SETD3: variants seen among roughly 807,000 people sequenced by gnomAD.
SETD3 encodes the protein SET domain containing 3, actin N3(tau)-histidine methyltransferase.
In SETD3, 19 loss-of-function variants were observed where a neutral mutation model predicts 63.0. The observed-to-expected ratio is 0.30, with a 90% CI of 0.21 to 0.44. SETD3 has a LOEUF of 0.44. Ranked by LOEUF, SETD3 falls within the 20% of genes least tolerant of loss-of-function variation. SETD3 has a pLI of 1.00. For synonymous variants in SETD3, 286 were observed against 264.1 expected (o/e 1.08, Z -0.80); for missense variants, 587 against 728.5 (o/e 0.81, Z 2.24).
chr14:99,463,342 T>C (rs192797837), intron 3 of SETD3, 144 bp downstream of exon 3: 98 of 588,364 alleles, frequency 1.7e-4, no homozygotes, highest in African/African-American at 1.6e-3. Context: ...CTAACTGCTC[T>C]CTCTCCCGGT....
chr14:99,408,863 G>T (rs1331520583), intron 8 of SETD3, among the ~76,000 whole-genome samples: 1 of 152,088 alleles, frequency 6.6e-6, no homozygotes, highest in African/African-American at 2.4e-5. Flanking sequence ...TCCCTTGCCT[G>T]AAGCCAGGTT....
chr14:99,429,590 A>G (rs371421507), intron 6 of SETD3, among the ~76,000 whole-genome samples: 68 of 152,296 alleles, frequency 4.5e-4, no homozygotes, highest in African/African-American at 1.1e-3. Flanking sequence ...TTGTTTCCAT[A>G]TATGTTCAGC....
intron 6 of SETD3, among the ~76,000 whole-genome samples, chr14:99,423,588 CAAAAAAAA>C (rs536996347): frequency 0.083 from 3,041 of 36,854 alleles, 149 homozygotes; most frequent in African/African-American, 0.26. Context: ...CACTGTTATG[CAAAAAAAA>C]AAAAAAAAAA....
rs1357782233 is a variant in SETD3, at chr14:99,443,846, C to T, written c.675+14433G>A. On this transcript the variant is annotated intron_variant, in intron 6 of 12. Coordinates refer to ENST00000331768, the MANE Select transcript of SETD3 (RefSeq NM_032233.3). ...AGGAATGGCTTTCTAACTATATAGT[C>T]TTCTCGCTCTGGAAAGGGCTGCCTT... Among the ~76,000 whole-genome samples the T allele has an allele frequency of 4.6e-5, 7 of 152,284 alleles. No individual in the cohort carries two copies. In the South Asian group the frequency reaches 1.0e-3, roughly 23 times the overall value.
intron 8 of SETD3, among the ~76,000 whole-genome samples, chr14:99,411,041 T>C (rs114889216): frequency 3.3e-5 from 5 of 152,350 alleles, no homozygotes; most frequent in African/African-American, 1.2e-4. Context: ...ATAAACAACT[T>C]TGTAGTGTTA....
intron 6 of SETD3, among the ~76,000 whole-genome samples, chr14:99,431,891 C>T (rs1302561942): frequency 6.6e-6 from 1 of 152,172 alleles, no homozygotes; most frequent in East Asian, 1.9e-4. Context: ...GACCACTCTA[C>T]CACCACAAAT....
chr14:99,416,182 G>A (rs1248907255), intron 6 of SETD3, among the ~76,000 whole-genome samples: 1 of 151,974 alleles, frequency 6.6e-6, no homozygotes, highest in African/African-American at 2.4e-5. Flanking sequence ...ACAAGGATAA[G>A]ACAAATGTCT....
At chr14:99,418,579 T>C (rs1892402885) in intron 6 of SETD3, among the ~76,000 whole-genome samples, 2 of 152,184 alleles carry the variant, frequency 1.3e-5, no homozygotes. Context: ...CAGGACAGCC[T>C]GTGGCATCCT....
intron 6 of SETD3, among the ~76,000 whole-genome samples, chr14:99,428,245 T>C (rs1396525366): frequency 2.0e-5 from 3 of 152,042 alleles, no homozygotes; most frequent in African/African-American, 7.3e-5. Flanking sequence ...ACTTGAGAGG[T>C]GTCAGTAAGT....
intron 6 of SETD3, among the ~76,000 whole-genome samples, chr14:99,422,105 T>C (rs1229997022): frequency 1.3e-5 from 2 of 152,180 alleles, no homozygotes; most frequent in Non-Finnish European, 2.9e-5. Context: ...AAGTCTTCGG[T>C]CATAAAATCT....
At chr14:99,452,850 G>A (rs895150491) in intron 6 of SETD3, among the ~76,000 whole-genome samples, 2 of 152,242 alleles carry the variant, frequency 1.3e-5, no homozygotes, top group East Asian at 3.8e-4. Flanking sequence ...CAGATCGCGG[G>A]GGGAGAAAAC....
intron 8 of SETD3, among the ~76,000 whole-genome samples, chr14:99,407,035 A>C (rs1891720406): frequency 1.3e-5 from 2 of 152,342 alleles, no homozygotes; most frequent in South Asian, 4.1e-4. Flanking sequence ...AAGAAATCCA[A>C]GTGGGTGTTC....
intron 6 of SETD3, among the ~76,000 whole-genome samples, chr14:99,423,440 A>C (rs990254135): frequency 6.6e-6 from 1 of 151,940 alleles, no homozygotes; most frequent in African/African-American, 2.4e-5. Context: ...CATAATTTAA[A>C]ATCTCCATAC....
chr14:99,407,687 C>A (rs1270928114), intron 8 of SETD3, among the ~76,000 whole-genome samples: 1 of 152,302 alleles, frequency 6.6e-6, no homozygotes, highest in East Asian at 1.9e-4. Context: ...ACCTTCTACT[C>A]CTGTTGTGGC....
At chr14:99,402,863 T>C (rs1891458655) in intron 11 of SETD3, among the ~76,000 whole-genome samples, 1 of 152,354 alleles carries the variant, frequency 6.6e-6, no homozygotes, top group African/African-American at 2.4e-5. Flanking sequence ...GCACAGTGAA[T>C]GCTTCACAAA....
chr14:99,481,407 C>T (rs1896310683), upstream of SETD3: 4 of 398,608 alleles, frequency 1.0e-5, no homozygotes, highest in Admixed American at 1.3e-4. Context: ...ACGTAGGTCC[C>T]CGACATTCCA....
chr14:99,433,329 C>T (rs892668194), intron 6 of SETD3, among the ~76,000 whole-genome samples: 3 of 152,104 alleles, frequency 2.0e-5, no homozygotes, highest in African/African-American at 7.2e-5. Context: ...AAAATACACA[C>T]TGGATTTCCA....
intron 6 of SETD3, among the ~76,000 whole-genome samples, chr14:99,445,323 A>G (rs1228221517): frequency 6.6e-6 from 1 of 152,198 alleles, no homozygotes; most frequent in Non-Finnish European, 1.5e-5. Context: ...TCACCAACTC[A>G]CTATACATTC....
intron 6 of SETD3, among the ~76,000 whole-genome samples, chr14:99,416,380 T>C (rs1363765788): frequency 6.6e-6 from 1 of 152,246 alleles, no homozygotes; most frequent in African/African-American, 2.4e-5. Flanking sequence ...TAACTGAGCG[T>C]TCCTCACTTA....
Sources: allele counts gnomAD v4.1 joint callset (sites outside exome capture counted in the v4.1 genomes callset), GRCh38; gene constraint gnomAD v4.1.1; transcripts MANE v1.5; gene names NCBI Gene and HGNC (gene_info 2026-07-23, HGNC 2026-07-21).